Variants in CRYBG1 observed in about 807,000 individuals in gnomAD.
CRYBG1 encodes crystallin beta-gamma domain containing 1.
A neutral mutation model predicts 189.2 loss-of-function variants in CRYBG1; 139 were observed. That is an observed-to-expected ratio of 0.73 (90% CI 0.64 to 0.85). The LOEUF (loss-of-function observed/expected upper bound fraction) is 0.85. CRYBG1 is among the 40% of genes least tolerant of loss of function. The pLI, the probability that CRYBG1 is intolerant of heterozygous loss-of-function variation, is 0.00. For synonymous variants in CRYBG1, 1,023 were observed against 1,017.1 expected (o/e 1.01, Z -0.11); for missense variants, 2,611 against 2,675.8 (o/e 0.98, Z 0.53).
intron 13 of CRYBG1, among the ~76,000 whole-genome samples, chr6:106,550,928 A>T (rs561242172): frequency 5.9e-5 from 9 of 152,114 alleles, no homozygotes; most frequent in African/African-American, 2.2e-4. Flanking sequence ...GATAAGCGAG[A>T]ACGCCAAAAA....
chr6:106,406,542 C>A (rs981034147), intron 1 of CRYBG1, among the ~76,000 whole-genome samples: 2 of 152,210 alleles, frequency 1.3e-5, no homozygotes, highest in Non-Finnish European at 2.9e-5. Flanking sequence ...GAGAACACCA[C>A]AAAGATACTC....
At chr6:106,366,815 G>A (rs1370647700) in intron 1 of CRYBG1, among the ~76,000 whole-genome samples, 1 of 152,230 alleles carries the variant, frequency 6.6e-6, no homozygotes, top group African/African-American at 2.4e-5. Flanking sequence ...GGCAATACTG[G>A]CAGTGATAGT....
At position 106,512,048 on chromosome 6, in the gene CRYBG1, G is replaced by T; in HGVS notation, c.931G>T (p.Glu311Ter). 1 of 1,532,604 alleles carries T rather than the reference G, an allele frequency of 6.5e-7. No homozygotes were observed. The highest frequency in any genetic ancestry group is 8.7e-7 in the Non-Finnish European group (1 of 1,145,208). 94.9% of individuals were successfully genotyped at this position (1,532,604 alleles called of 1,614,324 possible). A position where few individuals can be genotyped will look rare whatever the true frequency, so the allele number is the denominator to read the frequency against. ...GGAGCGGCCCGCGGGAGGACTAGGC[G>T]AGGCCCCTAACGGAGCCCCCAGTGT... is the stretch of plus-strand genomic sequence containing the variant. The part of the protein sequence containing the change: ...TQERPAGGLG[E>*]APNGAPSVCA... The change falls in exon 3 of 22, where the codon GAG (glutamate) becomes TAG (stop). Residue 311 changes from glutamate to a stop codon, truncating the protein, a stop_gained. Coordinates refer to ENST00000633556, the MANE Select transcript of CRYBG1 (RefSeq NM_001371242.2). LOFTEE classifies it high-confidence loss of function.
At chr6:106,493,515 G>T (rs976964525) in intron 2 of CRYBG1, among the ~76,000 whole-genome samples, 1 of 152,102 alleles carries the variant, frequency 6.6e-6, no homozygotes, top group South Asian at 2.1e-4. Context: ...TTGAGAGCAG[G>T]ATCTCAAAGA....
intron 17 of CRYBG1, among the ~76,000 whole-genome samples, chr6:106,557,529 G>A (rs571185261): frequency 2.0e-5 from 3 of 152,066 alleles, no homozygotes; most frequent in East Asian, 3.9e-4. Flanking sequence ...CTCCCACTCA[G>A]CCTCCAAAGT....
intron 2 of CRYBG1, among the ~76,000 whole-genome samples, chr6:106,467,981 G>A (rs1304548496): frequency 6.6e-6 from 1 of 152,176 alleles, no homozygotes; most frequent in Non-Finnish European, 1.5e-5. Context: ...GGCAGGGAGG[G>A]TGTCTTAAAT....
At chr6:106,382,926 TTTATTA>T (rs1399660683) in intron 1 of CRYBG1, among the ~76,000 whole-genome samples, 4 of 152,188 alleles carry the variant, frequency 2.6e-5, no homozygotes, top group Admixed American at 2.0e-4. Context: ...ACATCATGAC[TTTATTA>T]TTATTAAGTA....
At chr6:106,472,894 A>C (rs1287682292) in intron 2 of CRYBG1, among the ~76,000 whole-genome samples, 2 of 143,208 alleles carry the variant, frequency 1.4e-5, no homozygotes, top group Non-Finnish European at 3.0e-5. Context: ...ACAGAATAAG[A>C]CTCTGTCTCA....
chr6:106,449,751 T>C (rs1196328134), intron 1 of CRYBG1, among the ~76,000 whole-genome samples: 1 of 152,226 alleles, frequency 6.6e-6, no homozygotes, highest in Non-Finnish European at 1.5e-5. Flanking sequence ...TAAGAAGATA[T>C]TAGCCTCACA....
intron 1 of CRYBG1, among the ~76,000 whole-genome samples, chr6:106,392,280 A>G (rs1263752751): frequency 1.3e-5 from 2 of 152,176 alleles, no homozygotes; most frequent in South Asian, 2.1e-4. Context: ...CACATACACA[A>G]TAGTGAGAGA....
chr6:106,373,410 A>G (rs916161747), intron 1 of CRYBG1, among the ~76,000 whole-genome samples: 6 of 152,232 alleles, frequency 3.9e-5, no homozygotes, highest in Non-Finnish European at 8.8e-5. Flanking sequence ...CTCTGCATAA[A>G]GGTCACAGCC....
At chr6:106,483,291 C>T (rs947813333) in intron 2 of CRYBG1, among the ~76,000 whole-genome samples, 2 of 151,086 alleles carry the variant, frequency 1.3e-5, no homozygotes, top group African/African-American at 4.8e-5. Context: ...ATGATATCTT[C>T]TGGGTCCATC....
At chr6:106,510,564 C>A (rs1219187578) in intron 2 of CRYBG1, among the ~76,000 whole-genome samples, 1 of 152,184 alleles carries the variant, frequency 6.6e-6, no homozygotes, top group Non-Finnish European at 1.5e-5. Context: ...GGGGCTCCAG[C>A]CGTGCGACCC....
chr6:106,432,325 C>T (rs1884460), intron 1 of CRYBG1, among the ~76,000 whole-genome samples: 60,137 of 152,046 alleles, frequency 0.4, 12,428 homozygotes, highest in East Asian at 0.68. Context: ...TTGTTTGAAA[C>T]AGTTTGCAAT....
At chr6:106,419,258 T>C (rs1184867993) in intron 1 of CRYBG1, among the ~76,000 whole-genome samples, 1 of 152,210 alleles carries the variant, frequency 6.6e-6, no homozygotes, top group Non-Finnish European at 1.5e-5. Flanking sequence ...GGAGGCTGCT[T>C]TTCATTAAAA....
intron 1 of CRYBG1, among the ~76,000 whole-genome samples, chr6:106,406,211 G>A (rs6906892): frequency 0.72 from 109,068 of 151,960 alleles, 40,028 homozygotes; most frequent in African/African-American, 0.88. Flanking sequence ...AAAAACACAC[G>A]CGAGAACTTC....
At chr6:106,550,490 C>T (rs1225988114) in intron 13 of CRYBG1, among the ~76,000 whole-genome samples, 1 of 152,096 alleles carries the variant, frequency 6.6e-6, no homozygotes, top group Non-Finnish European at 1.5e-5. Context: ...TAGGAAATAG[C>T]ATCATTAAAT....
intron 13 of CRYBG1, among the ~76,000 whole-genome samples, chr6:106,547,066 A>G (rs990361411): frequency 6.6e-6 from 1 of 151,996 alleles, no homozygotes; most frequent in Admixed American, 6.6e-5. Context: ...TGCTGCTATT[A>G]TATGTTTCTA....
chr6:106,381,085 G>T (rs182768778), intron 1 of CRYBG1, among the ~76,000 whole-genome samples: 22 of 152,274 alleles, frequency 1.4e-4, no homozygotes, highest in African/African-American at 5.1e-4. Context: ...ACATACATTT[G>T]TGTCTATATG....
Sources: allele counts gnomAD v4.1 joint callset (sites outside exome capture counted in the v4.1 genomes callset), GRCh38; gene constraint gnomAD v4.1.1; transcripts MANE v1.5; gene names NCBI Gene and HGNC (gene_info 2026-07-23, HGNC 2026-07-21).